The following GRIK2 variants were observed in gnomAD, a reference collection of about 807,000 sequenced individuals.
GRIK2 encodes the protein glutamate ionotropic receptor kainate type subunit 2.
GRIK2 carries 32 observed loss-of-function variants against 100.3 expected under a neutral mutation model. That is an observed-to-expected ratio of 0.32 (90% CI 0.24 to 0.43). GRIK2 has a LOEUF of 0.43. Among genes scored for constraint, GRIK2 ranks in the 20% least tolerant of loss-of-function variants. The pLI is 1.00. For synonymous variants in GRIK2, 417 were observed against 389.4 expected, an observed-to-expected ratio of 1.07 and a Z score of -0.83; for missense variants, 843 against 1,114.9, an observed-to-expected ratio of 0.76 and a Z score of 3.47.
At chr6:101,909,087 G>A (rs930294671) in intron 12 of GRIK2, among the ~76,000 whole-genome samples, 2 of 150,948 alleles carry the variant, frequency 1.3e-5, no homozygotes, top group Non-Finnish European at 1.5e-5. Context: ...AAAACACAAA[G>A]GTTATTCTGT....
intron 10 of GRIK2, among the ~76,000 whole-genome samples, chr6:101,849,977 A>G (rs1396513171): frequency 2.0e-5 from 3 of 151,884 alleles, no homozygotes. Flanking sequence ...ATAAGGATAA[A>G]TTCAAGAACA....
intron 7 of GRIK2, among the ~76,000 whole-genome samples, chr6:101,795,850 G>A (rs565352560): frequency 1.1e-4 from 16 of 152,274 alleles, no homozygotes; most frequent in African/African-American, 3.9e-4. Context: ...GTGGTGAATA[G>A]GACAGGGCAA....
intron 16 of GRIK2, among the ~76,000 whole-genome samples, chr6:102,056,465 T>C (rs534312030): frequency 6.6e-6 from 1 of 152,126 alleles, no homozygotes; most frequent in South Asian, 2.1e-4. Flanking sequence ...TCTAGTACAT[T>C]ATTTAATCTT....
chr6:102,041,199 A>G (rs1562131909), intron 15 of GRIK2, among the ~76,000 whole-genome samples: 1 of 151,646 alleles, frequency 6.6e-6, no homozygotes. Context: ...ACCACTGTGA[A>G]CAGCCGTGAT....
At chr6:101,928,053 A>G (rs1416987669) in intron 13 of GRIK2, 1 of 206,070 alleles carries the variant, frequency 4.9e-6, no homozygotes, top group Non-Finnish European at 1.0e-5. Flanking sequence ...CCTCATAACT[A>G]ACAAAATATG....
chr6:101,833,395 TA>T lies in GRIK2; in HGVS notation c.1317+14914del, dbSNP rs1239764913. On this transcript the variant is annotated intron_variant, in intron 10 of 16. Transcript: ENST00000369134. ...ACAGGTGCCTACCACCATGCCCGGC[TA>T]ATTTTTTTTTGTATTTGTAGTAGAA... 2.0e-5 allele frequency among the ~76,000 whole-genome samples: 3 copies of T among 147,128 alleles called. No homozygotes were observed. The East Asian group carries it at 1.1e-3, about 52-fold the overall frequency.
intron 2 of GRIK2, among the ~76,000 whole-genome samples, chr6:101,496,524 A>G (rs1773456148): frequency 1.3e-5 from 2 of 152,350 alleles, no homozygotes; most frequent in Admixed American, 6.5e-5. Context: ...TTGCACAAAC[A>G]CTATGCATGA....
chr6:101,556,321 A>T (rs1345198668), intron 2 of GRIK2, among the ~76,000 whole-genome samples: 21 of 59,396 alleles, frequency 3.5e-4, no homozygotes, highest in Non-Finnish European at 6.6e-4. Flanking sequence ...TATATTGGTA[A>T]TTTTTTTTTT....
chr6:101,666,708 G>A (rs1401374352), intron 4 of GRIK2, among the ~76,000 whole-genome samples: 1 of 152,202 alleles, frequency 6.6e-6, no homozygotes, highest in African/African-American at 2.4e-5. Context: ...AAAGTGGACT[G>A]GTAAGAGATA....
chr6:101,684,461 G>C (rs1215498393), intron 6 of GRIK2, among the ~76,000 whole-genome samples: 1 of 152,034 alleles, frequency 6.6e-6, no homozygotes, highest in East Asian at 1.9e-4. Flanking sequence ...CTCCTGAATA[G>C]GTTTTATATC....
At chr6:101,738,400 G>A (rs1252938979) in intron 7 of GRIK2, among the ~76,000 whole-genome samples, 2 of 152,140 alleles carry the variant, frequency 1.3e-5, no homozygotes, top group African/African-American at 2.4e-5. Flanking sequence ...AAATTCTTAA[G>A]TAGTTGATAT....
intron 14 of GRIK2, among the ~76,000 whole-genome samples, chr6:101,977,803 C>T (rs754483697): frequency 3.3e-5 from 5 of 151,828 alleles, no homozygotes; most frequent in East Asian, 1.9e-4. Flanking sequence ...CTTTTTTGAC[C>T]GCACTTATTT....
At chr6:101,608,813 G>GTGTA in intron 2 of GRIK2, among the ~76,000 whole-genome samples, 1 of 110,674 alleles carries the variant, frequency 9.0e-6, no homozygotes, top group East Asian at 2.4e-4. Context: ...GTGTGTGTGT[G>GTGTA]TATGTATGTA....
At chr6:101,488,438 A>G (rs1273002228) in intron 2 of GRIK2, among the ~76,000 whole-genome samples, 1 of 147,184 alleles carries the variant, frequency 6.8e-6, no homozygotes, top group East Asian at 1.9e-4. Context: ...GTTTATAATT[A>G]TAATGTAAAC....
intron 2 of GRIK2, among the ~76,000 whole-genome samples, chr6:101,556,366 G>C (rs1324643271): frequency 2.1e-5 from 1 of 48,488 alleles, no homozygotes; most frequent in Non-Finnish European, 4.6e-5. Context: ...ACCGAGTCTC[G>C]CTCTGTCGCC....
At chr6:101,830,503 A>G (rs572528818) in intron 10 of GRIK2, among the ~76,000 whole-genome samples, 1 of 152,160 alleles carries the variant, frequency 6.6e-6, no homozygotes, top group Admixed American at 6.6e-5. Flanking sequence ...AGAATCTAAA[A>G]GGAACTTAAA....
At chr6:102,012,344 C>T (rs2114320869) in intron 14 of GRIK2, among the ~76,000 whole-genome samples, 1 of 152,046 alleles carries the variant, frequency 6.6e-6, no homozygotes, top group Non-Finnish European at 1.5e-5. Context: ...TTTGCCTCTC[C>T]ATATAAACTT....
chr6:101,619,963 G>T (rs1780070952), intron 2 of GRIK2, among the ~76,000 whole-genome samples: 1 of 152,070 alleles, frequency 6.6e-6, no homozygotes, highest in Admixed American at 6.6e-5. Context: ...TGGCTTTGAA[G>T]GTTCATTGTG....
chr6:101,686,860 C>T (rs1272310158), intron 7 of GRIK2, among the ~76,000 whole-genome samples: 1 of 152,010 alleles, frequency 6.6e-6, no homozygotes, highest in Admixed American at 6.6e-5. Context: ...AGTTTAAACC[C>T]AGAAGCGGCA....
Sources: allele counts gnomAD v4.1 joint callset (sites outside exome capture counted in the v4.1 genomes callset), GRCh38; gene constraint gnomAD v4.1.1; transcripts MANE v1.5; gene names NCBI Gene and HGNC (gene_info 2026-07-23, HGNC 2026-07-21).